TMEM204: variants seen among roughly 807,000 people sequenced by gnomAD.
The protein encoded by TMEM204 is claudin-like protein 24.
A neutral mutation model predicts 19.4 loss-of-function variants in TMEM204; 15 were observed. That is an observed-to-expected ratio of 0.77 (90% CI 0.52 to 1.19). The LOEUF (loss-of-function observed/expected upper bound fraction) is 1.19, where lower values mean the gene tolerates loss of function less well. Among genes scored for constraint, TMEM204 ranks in the 50% most tolerant of loss-of-function variants. The pLI is 0.00. For missense variants in TMEM204, 287 were observed against 321.2 expected (o/e 0.89, Z 0.81); for synonymous variants, 161 against 146.0 (o/e 1.10, Z -0.74).
At chr16:1,539,858 C>T (rs550188963) in intron 1 of TMEM204, among the ~76,000 whole-genome samples, 2 of 152,286 alleles carry the variant, frequency 1.3e-5, no homozygotes, top group East Asian at 1.9e-4. Flanking sequence ...CTCAGCAGCC[C>T]GGGGACCCCG....
Position 1,553,663 on chromosome 16 carries a change from C to A in TMEM204, c.437-1119C>A. On this transcript the variant is annotated intron_variant, in intron 2 of 2. Transcript: ENST00000566264. The surrounding 1 kb of genome is among the most constrained non-coding windows in gnomAD (Gnocchi z 4.4). ...CAGAGAGGGAGGGGTGCTGGGTGGG[C>A]AGAAGCGGGGCTGGGGCTGAAGGCT... is the stretch of plus-strand genomic sequence containing the variant. The A allele has an allele frequency of 9.4e-7, 1 of 1,065,644 alleles. No homozygotes were observed. Among genetic ancestry groups the A allele is most frequent in the Non-Finnish European group, 1.1e-6 (1 of 874,562 alleles). 66.0% of individuals were successfully genotyped at this position (1,065,644 alleles called of 1,614,324 possible). A position where few individuals can be genotyped will look rare whatever the true frequency, so the allele number is the denominator to read the frequency against.
In TMEM204 at chr16:1,553,332, G is replaced by C; in HGVS notation, c.437-1450G>C. 1 of 985,250 alleles carries C rather than the reference G, an allele frequency of 1.0e-6. No individual in the cohort carries two copies. Among genetic ancestry groups the C allele is most frequent in the Non-Finnish European group, 1.2e-6 (1 of 829,868 alleles). The allele number at this position is 985,250 out of a possible 1,614,324, so 61.0% of individuals were successfully genotyped here. A position where few individuals can be genotyped will look rare whatever the true frequency, so the allele number is the denominator to read the frequency against. Reference sequence around the variant, plus strand: ...TCTGTCTCTGTGTCTCTGTCCCTGTGTCTCTTTTTCTCCCATCCTCTCTCG... The same window carrying C: ...TCTGTCTCTGTGTCTCTGTCCCTGTCTCTCTTTTTCTCCCATCCTCTCTCG... On this transcript the variant is annotated intron_variant, in intron 2 of 2. Coordinates refer to ENST00000566264, the MANE Select transcript of TMEM204 (RefSeq NM_024600.6). This position sits in a 1 kb window ranked among gnomAD's most constrained non-coding sequence, Gnocchi z 4.4.
chr16:1,546,766 C>G (rs1400641820), intron 2 of TMEM204, among the ~76,000 whole-genome samples: 1 of 152,224 alleles, frequency 6.6e-6, no homozygotes, highest in South Asian at 2.1e-4. Context: ...CTGTCCTGAG[C>G]CCGGCCTGAA....
chr16:1,544,239 C>G (rs886493946), intron 2 of TMEM204, among the ~76,000 whole-genome samples: 1 of 148,098 alleles, frequency 6.8e-6, no homozygotes, highest in Non-Finnish European at 1.5e-5. Context: ...GCTGGAGTGC[C>G]GTGGCACAAT....
intron 2 of TMEM204, among the ~76,000 whole-genome samples, chr16:1,552,587 C>T (rs933910673): frequency 5.9e-5 from 9 of 151,836 alleles, no homozygotes; most frequent in African/African-American, 2.2e-4. Flanking sequence ...GCAGAGGGCA[C>T]ATTCCGCACT....
chr16:1,540,926 C>T, intron 1 of TMEM204: 12 of 985,364 alleles, frequency 1.2e-5, no homozygotes, highest in Non-Finnish European at 1.4e-5. Context: ...TCAGCACACA[C>T]ATTGTCTGCT....
chr16:1,536,927 C>A (rs1371391548), intron 1 of TMEM204, among the ~76,000 whole-genome samples: 1 of 152,250 alleles, frequency 6.6e-6, no homozygotes. Context: ...ATCAAGCTAG[C>A]CTATGAACCT....
At chr16:1,543,850 GA>G (rs2031893115) in intron 2 of TMEM204, among the ~76,000 whole-genome samples, 1 of 152,202 alleles carries the variant, frequency 6.6e-6, no homozygotes, top group East Asian at 1.9e-4. Flanking sequence ...CCGCGTGCAG[GA>G]ATCGGAAATG....
chr16:1,539,196 C>T (rs2031386625), intron 1 of TMEM204, among the ~76,000 whole-genome samples: 1 of 147,846 alleles, frequency 6.8e-6, no homozygotes, highest in African/African-American at 2.5e-5. Context: ...TTGGGCCTCA[C>T]CAAGCCACAC....
chr16:1,550,447 AC>A (rs2032540702), intron 2 of TMEM204, among the ~76,000 whole-genome samples: 1 of 152,288 alleles, frequency 6.6e-6, no homozygotes, highest in African/African-American at 2.4e-5. Context: ...CTCCTTTGTT[AC>A]AAAAAGCACT....
At chr16:1,546,022 C>A (rs2032142440) in intron 2 of TMEM204, among the ~76,000 whole-genome samples, 1 of 152,244 alleles carries the variant, frequency 6.6e-6, no homozygotes, top group Admixed American at 6.5e-5. Context: ...ACTCCACAGA[C>A]CCCTAGCTTC....
intron 2 of TMEM204, among the ~76,000 whole-genome samples, chr16:1,544,800 C>T (rs549415822): frequency 1.3e-5 from 2 of 151,234 alleles, no homozygotes; most frequent in South Asian, 2.1e-4. Flanking sequence ...AGGCACCCGC[C>T]ACCACGCCTG....
chr16:1,529,740 G>C (rs571447912), upstream of TMEM204, among the ~76,000 whole-genome samples: 3 of 152,184 alleles, frequency 2.0e-5, no homozygotes. Context: ...AAAAATCCAC[G>C]TGGAAGGACC....
In TMEM204 at chr16:1,534,430, T is replaced by C. The variant is rs762666113; in HGVS notation, c.155T>C (p.Val52Ala). The change falls in exon 1 of 3, where the codon GTG (valine) becomes GCG (alanine). Residue 52 changes from valine (V) to alanine (A), a missense_variant. Transcript: ENST00000566264. ...SVGLWRSCWL[V>A]DRTRGGPSPG... is the part of the protein sequence containing the mutation. ...GGGCTGTGGAGGTCCTGCTGGCTGG[T>C]GGACAGGACCCGGGGAGGGCCGAGC... 2.5e-6 allele frequency: 4 copies of C among 1,611,666 alleles called. No individual in the cohort carries two copies. The highest frequency in any genetic ancestry group is 1.3e-5 in the African/African-American group (1 of 74,860).
chr16:1,535,496 C>T (rs2141244885), intron 1 of TMEM204, among the ~76,000 whole-genome samples: 1 of 152,338 alleles, frequency 6.6e-6, no homozygotes, highest in East Asian at 1.9e-4. Context: ...GTTGGACGCT[C>T]CTTCTGCTCT....
intron 2 of TMEM204, among the ~76,000 whole-genome samples, chr16:1,549,785 G>A (rs2032482723): frequency 6.6e-6 from 1 of 151,940 alleles, no homozygotes; most frequent in Non-Finnish European, 1.5e-5. Context: ...ACTCAGGGTT[G>A]GCCTGCCCTG....
chr16:1,539,809 C>T (rs890383728), intron 1 of TMEM204, among the ~76,000 whole-genome samples: 1 of 152,202 alleles, frequency 6.6e-6, no homozygotes, highest in African/African-American at 2.4e-5. Flanking sequence ...CCCTTGCCAG[C>T]GGAAGGCTCA....
rs2032978319 is a variant in TMEM204, at chr16:1,555,038, C to T, written c.*12C>T. On this transcript the variant is annotated 3_prime_UTR_variant, in exon 3 of 3. Coordinates refer to ENST00000566264, the MANE Select transcript of TMEM204 (RefSeq NM_024600.6). ...AGTCACCATGCTGAGTCGCCCTTCT[C>T]AGCGCTCCATCAACGCACACCTGCT... 3 of 1,601,552 alleles carry T rather than the reference C, an allele frequency of 1.9e-6. No individual in the cohort carries two copies. In the African/African-American group the frequency reaches 4.0e-5, roughly 21 times the overall value.
chr16:1,530,993 C>G (rs2030422802), upstream of TMEM204: 2 of 152,232 alleles, frequency 1.3e-5, no homozygotes, highest in Admixed American at 1.3e-4. Flanking sequence ...CACAGACCCG[C>G]CAGAAGCGTC....
Sources: allele counts gnomAD v4.1 joint callset (sites outside exome capture counted in the v4.1 genomes callset), GRCh38; gene constraint gnomAD v4.1.1; non-coding constraint Gnocchi (gnomAD v3.1); transcripts MANE v1.5; gene names NCBI Gene and HGNC (gene_info 2026-07-23, HGNC 2026-07-21).